The following CTBP1 variants were observed in gnomAD, a reference collection of about 807,000 sequenced individuals.
CTBP1 encodes the protein C-terminal binding protein 1.
A neutral mutation model predicts 42.1 loss-of-function variants in CTBP1; 11 were observed. That is an observed-to-expected ratio of 0.26 (90% CI 0.16 to 0.43). The LOEUF is 0.43. Ranked by LOEUF, CTBP1 falls within the 20% of genes least tolerant of loss-of-function variation. The probability of loss-of-function intolerance (pLI) is 1.00; values close to 1 mark genes in which losing one functional copy is unlikely to be tolerated. For missense variants in CTBP1, 399 were observed against 624.3 expected (o/e 0.64, Z 3.85); for synonymous variants, 324 against 277.1 (o/e 1.17, Z -1.68).
rs1296683568 is a variant in CTBP1 at position 1,215,975 on chromosome 4, C to A, written c.729+16G>T. ...GCCCCGCAGAAGTAGAGTCCTGTGT[C>A]CCCGGCTCCACGCACCTGCTTGACG... On this transcript the variant is annotated intron_variant, in intron 6 of 9. Coordinates refer to ENST00000382952, the MANE Select transcript of CTBP1 (RefSeq NM_001012614.2). 6.3e-7 allele frequency: 1 copy of A among 1,597,140 alleles called. No individual in the cohort carries two copies. Among genetic ancestry groups the A allele is most frequent in the Admixed American group, 1.8e-5 (1 of 56,644 alleles).
chr4:1,248,237 G>A (rs1013486145), intron 1 of CTBP1, among the ~76,000 whole-genome samples: 1 of 151,898 alleles, frequency 6.6e-6, no homozygotes, highest in Non-Finnish European at 1.5e-5. Context: ...GGCAGGTGGG[G>A]GCGCTGGGCC....
At chr4:1,241,038 C>T (rs988730355) in intron 2 of CTBP1, among the ~76,000 whole-genome samples, 1 of 152,212 alleles carries the variant, frequency 6.6e-6, no homozygotes, top group Non-Finnish European at 1.5e-5. Context: ...GCGGCCTCCA[C>T]ATGGAGGCCC....
At chr4:1,245,659 G>A (rs1014485354) in intron 1 of CTBP1, 13 of 984,246 alleles carry the variant, frequency 1.3e-5, no homozygotes, top group South Asian at 4.7e-5. Context: ...AGGGTGACAC[G>A]GGCGGCAGGG....
rs1730260500 is a variant in CTBP1 at position 1,225,686 on chromosome 4, C to T, written c.308-120G>A. On this transcript the variant is annotated intron_variant, in intron 4 of 9. Coordinates refer to ENST00000382952, the MANE Select transcript of CTBP1 (RefSeq NM_001012614.2). ...CCAAGGAAGAAGCCAAAGGCCGTGT[C>T]CCCAAGGCCACCCCGGGAGGCCACG... 5 of 1,088,642 alleles carry T rather than the reference C, an allele frequency of 4.6e-6. No individual in the cohort carries two copies. The South Asian group carries it at 6.5e-5, about 14-fold the overall frequency. The allele number at this position is 1,088,642 out of a possible 1,614,324, so 67.4% of individuals were successfully genotyped here. A position where few individuals can be genotyped will look rare whatever the true frequency, so the allele number is the denominator to read the frequency against.
chr4:1,225,907 A>T (rs2094162054), intron 4 of CTBP1, among the ~76,000 whole-genome samples: 1 of 150,550 alleles, frequency 6.6e-6, no homozygotes, highest in Non-Finnish European at 1.5e-5. Context: ...TCCCCGCGTC[A>T]CCTCGCCACC....
intron 3 of CTBP1, chr4:1,234,593 T>C (rs1731291150): frequency 6.6e-6 from 1 of 152,262 alleles, no homozygotes; most frequent in Non-Finnish European, 1.5e-5. Flanking sequence ...TCAAGGCAGT[T>C]TGGGATTACT....
At chr4:1,230,233 G>A (rs1170667320) in intron 3 of CTBP1, among the ~76,000 whole-genome samples, 1 of 152,150 alleles carries the variant, frequency 6.6e-6, no homozygotes, top group African/African-American at 2.4e-5. Context: ...GAGGCCACAA[G>A]GACAGCATGG....
At chr4:1,247,768 G>GC (rs1279596809) in intron 1 of CTBP1, among the ~76,000 whole-genome samples, 1 of 56,320 alleles carries the variant, frequency 1.8e-5, no homozygotes, top group Non-Finnish European at 6.0e-5. Context: ...AGGCCGGGGA[G>GC]GGGGGGGGGG....
chr4:1,237,578 A>G lies in CTBP1; in HGVS notation c.162+605T>C, dbSNP rs540572015. On this transcript the variant is annotated intron_variant, in intron 3 of 9. Coordinates refer to ENST00000382952, the MANE Select transcript of CTBP1 (RefSeq NM_001012614.2). Reference sequence around the variant, plus strand: ...GGGGCTCAGGACAAACCCTGTGTCCACCTCCTGATGGGGCTCAGGGAAAAC... The same window carrying G: ...GGGGCTCAGGACAAACCCTGTGTCCGCCTCCTGATGGGGCTCAGGGAAAAC... 7 of 674,552 alleles carry G rather than the reference A, an allele frequency of 1.0e-5. No individual in the cohort carries two copies. In the African/African-American group the frequency reaches 1.2e-4, roughly 11 times the overall value. 41.8% of individuals were successfully genotyped at this position (674,552 alleles called of 1,614,324 possible).
intron 7 of CTBP1, 82 bp downstream of exon 7, chr4:1,214,261 G>A: frequency 7.0e-7 from 1 of 1,432,662 alleles, no homozygotes; most frequent in Non-Finnish European, 9.1e-7. Context: ...TGTCCGGCCT[G>A]GCAGAGGCGC....
chr4:1,249,591 T>TGGCCAGGGGCACCGAGGCC (rs1236843702), upstream of CTBP1: 2 of 349,328 alleles, frequency 5.7e-6, no homozygotes, highest in Non-Finnish European at 1.1e-5. Context: ...CCTCCGAGGC[T>TGGCCAGGGGCACCGAGGCC]GGCCAGGGGC....
chr4:1,245,369 C>T (rs1256361129), intron 1 of CTBP1: 1 of 985,330 alleles, frequency 1.0e-6, no homozygotes, highest in Admixed American at 6.1e-5. Context: ...CAGGAACCCC[C>T]AGAACGCCAC....
In CTBP1 at chr4:1,225,597, C is replaced by T. The variant is rs370808742; in HGVS notation, c.308-31G>A. The T allele has an allele frequency of 6.0e-3, 9,188 of 1,526,754 alleles. 82 individuals carry two copies. The highest frequency in any genetic ancestry group is 0.016 in the South Asian group (1,296 of 82,786). The allele number at this position is 1,526,754 out of a possible 1,614,324, so 94.6% of individuals were successfully genotyped here. A position where few individuals can be genotyped will look rare whatever the true frequency, so the allele number is the denominator to read the frequency against. ...GGGACAAGGACACGGCGGTCACCCC[C>T]GGGCCGGGCCCAGCCTCCGGGAGGA... On this transcript the variant is annotated intron_variant, in intron 4 of 9. Transcript: ENST00000382952.
chr4:1,244,791 C>G (rs942950410), intron 1 of CTBP1: 1 of 985,410 alleles, frequency 1.0e-6, no homozygotes, highest in Non-Finnish European at 1.2e-6. Flanking sequence ...CGGCAGCCAT[C>G]TGGGCATTGG....
chr4:1,213,794 C>A, intron 7 of CTBP1, 189 bp from the exon 8 acceptor site: 2 of 670,078 alleles, frequency 3.0e-6, no homozygotes, highest in South Asian at 4.8e-5. Context: ...ACACCAGGGG[C>A]TCCTGACAGC....
chr4:1,220,471 A>G (rs745470244), intron 5 of CTBP1, among the ~76,000 whole-genome samples: 3 of 152,224 alleles, frequency 2.0e-5, no homozygotes, highest in Non-Finnish European at 2.9e-5. Context: ...TATTATTAGG[A>G]AGTCAGCATT....
At chr4:1,230,489 G>A (rs2108763417) in intron 3 of CTBP1, among the ~76,000 whole-genome samples, 1 of 152,312 alleles carries the variant, frequency 6.6e-6, no homozygotes, top group Admixed American at 6.5e-5. Flanking sequence ...GTGGGAGATG[G>A]GCCCTGGGGT....
chr4:1,230,448 G>A (rs1409091155), intron 3 of CTBP1, among the ~76,000 whole-genome samples: 1 of 152,232 alleles, frequency 6.6e-6, no homozygotes, highest in African/African-American at 2.4e-5. Context: ...GGCAGGAGGG[G>A]CTGCGCATGC....
Position 1,218,642 on chromosome 4 carries a change from C to T in CTBP1, c.515-2437G>A, listed in dbSNP as rs1729406142. On this transcript the variant is annotated intron_variant, in intron 5 of 9. Coordinates refer to ENST00000382952, the MANE Select transcript of CTBP1 (RefSeq NM_001012614.2). Reference sequence around the variant, plus strand: ...TAATAGCTTCTTGTACGGTTTTCTGCATAATAGACGTGGAAAATCGGCCCG... The same window carrying T: ...TAATAGCTTCTTGTACGGTTTTCTGTATAATAGACGTGGAAAATCGGCCCG... 3.3e-5 allele frequency: 5 copies of T among 152,276 alleles called. No homozygotes were observed. The South Asian group carries it at 1.0e-3, about 32-fold the overall frequency. The allele number at this position is 152,276 out of a possible 1,614,324, so 9.4% of individuals were successfully genotyped here.
Sources: allele counts gnomAD v4.1 joint callset (sites outside exome capture counted in the v4.1 genomes callset), GRCh38; gene constraint gnomAD v4.1.1; transcripts MANE v1.5; gene names NCBI Gene and HGNC (gene_info 2026-07-23, HGNC 2026-07-21).